The following STAB2 variants were observed in gnomAD, a reference collection of about 807,000 sequenced individuals.
STAB2 encodes stabilin 2.
STAB2 carries 288 observed loss-of-function variants against 338.1 expected under a neutral mutation model. The ratio of observed to expected loss-of-function variants is 0.85; its 90% confidence interval spans 0.77 to 0.94. The LOEUF (loss-of-function observed/expected upper bound fraction) is 0.94. Ranked by LOEUF, STAB2 falls within the 40% of genes least tolerant of loss-of-function variation. The pLI is 0.00. For synonymous variants in STAB2, 1,202 were observed against 1,193.3 expected (o/e 1.01, Z -0.15); for missense variants, 3,141 against 3,210.1 (o/e 0.98, Z 0.52).
At chr12:103,629,368 G>A (rs1297617908) in intron 5 of STAB2, among the ~76,000 whole-genome samples, 1 of 152,222 alleles carries the variant, frequency 6.6e-6, no homozygotes, top group Admixed American at 6.5e-5. Flanking sequence ...GCTGATATAA[G>A]AGCCTACTGC....
At chr12:103,725,239 AAAG>A in intron 45 of STAB2, 145 bp downstream of exon 45, 2 of 1,350,172 alleles carry the variant, frequency 1.5e-6, no homozygotes, top group Non-Finnish European at 2.0e-6. Flanking sequence ...TCAGCAATGA[AAAG>A]AAATTTTGTC....
At chr12:103,719,743 G>T (rs753157335) in intron 44 of STAB2, among the ~76,000 whole-genome samples, 12 of 151,644 alleles carry the variant, frequency 7.9e-5, no homozygotes, top group Non-Finnish European at 1.3e-4. Context: ...TGCATCCACA[G>T]TTGCATCCAG....
At chr12:103,612,493 G>T (rs1287858985) in intron 3 of STAB2, among the ~76,000 whole-genome samples, 1 of 152,202 alleles carries the variant, frequency 6.6e-6, no homozygotes, top group East Asian at 1.9e-4. Flanking sequence ...ACTGAAGCTT[G>T]TGCATGCATC....
intron 9 of STAB2, among the ~76,000 whole-genome samples, chr12:103,642,885 A>T (rs1309266682): frequency 6.6e-6 from 1 of 152,224 alleles, no homozygotes; most frequent in Non-Finnish European, 1.5e-5. Context: ...TGTTCATAGC[A>T]GGTGCAGATA....
At chr12:103,764,342 C>A (rs539467635) in intron 68 of STAB2, among the ~76,000 whole-genome samples, 1 of 152,270 alleles carries the variant, frequency 6.6e-6, no homozygotes, top group South Asian at 2.1e-4. Flanking sequence ...GCTTTTGGAG[C>A]TACTTTTCTT....
intron 30 of STAB2, 112 bp downstream of exon 30, chr12:103,690,650 A>T: frequency 1.2e-6 from 1 of 849,262 alleles, no homozygotes; most frequent in Non-Finnish European, 1.8e-6. Flanking sequence ...AACTACAGAG[A>T]ACAGAATCCC....
intron 6 of STAB2, among the ~76,000 whole-genome samples, chr12:103,634,785 G>A (rs187701956): frequency 2.0e-5 from 3 of 152,326 alleles, no homozygotes; most frequent in Admixed American, 6.5e-5. Flanking sequence ...TCCATCTTGT[G>A]ACTCTGTCAT....
At chr12:103,758,135 G>A in intron 63 of STAB2, 35 bp from the exon 64 acceptor site, 1 of 1,613,326 alleles carries the variant, frequency 6.2e-7, no homozygotes, top group Non-Finnish European at 8.5e-7. Context: ...GCACACCAGG[G>A]CTGGCCCCTC....
intron 19 of STAB2, among the ~76,000 whole-genome samples, chr12:103,668,354 GA>G (rs1441513934): frequency 2.0e-5 from 3 of 152,198 alleles, no homozygotes; most frequent in Non-Finnish European, 4.4e-5. Context: ...AGAATGAACA[GA>G]AAATATTTTC....
In STAB2 at chr12:103,717,796, C is replaced by T. The variant is rs138243582; in HGVS notation, c.4638C>T (p.Tyr1546=). The T allele has an allele frequency of 3.1e-6, 5 of 1,614,020 alleles. No individual in the cohort carries two copies. Among genetic ancestry groups the T allele is most frequent in the Non-Finnish European group, 4.2e-6 (5 of 1,180,006 alleles). The change falls in exon 44 of 69, where the codon TAC becomes TAT. Residue 1546 remains tyrosine, a synonymous_variant. Coordinates refer to ENST00000388887, the MANE Select transcript of STAB2 (RefSeq NM_017564.10). ...CTGCCTGTAACTGTTTGCCAGCATA[C>T]ACTGGAGATGGAAAGGTCTGCACAC... ...NQAACNCLPA[Y]TGDGKVCTLI...
At chr12:103,613,353 C>A (rs1957157361) in intron 3 of STAB2, among the ~76,000 whole-genome samples, 1 of 152,214 alleles carries the variant, frequency 6.6e-6, no homozygotes, top group Admixed American at 6.5e-5. Flanking sequence ...AGCTTCCCGG[C>A]CACTTTGTTT....
Position 103,706,934 on chromosome 12 carries a change from G to T in STAB2, c.4139G>T (p.Gly1380Val). ...TGTGAGTGTGGGGAGGGCTTCAGCG[G>T]CACAGCCTGCGAGACCTGCACCGAG... The part of the protein sequence containing the change: ...GVCECGEGFS[G>V]TACETCTEGK... The change falls in exon 38 of 69, where the codon GGC becomes GTC. Residue 1380 changes from glycine to valine, a missense_variant. Transcript: ENST00000388887. 1.2e-6 allele frequency: 2 copies of T among 1,614,186 alleles called. No homozygotes were observed. The highest frequency in any genetic ancestry group is 1.7e-6 in the Non-Finnish European group (2 of 1,180,032).
At chr12:103,710,724 C>T (rs1879776930) in intron 39 of STAB2, among the ~76,000 whole-genome samples, 1 of 152,156 alleles carries the variant, frequency 6.6e-6, no homozygotes, top group Non-Finnish European at 1.5e-5. Flanking sequence ...GTCTAAATTC[C>T]CTCCGACACA....
chr12:103,726,654 G>A (rs952960949), intron 46 of STAB2, among the ~76,000 whole-genome samples: 1 of 152,180 alleles, frequency 6.6e-6, no homozygotes, highest in African/African-American at 2.4e-5. Context: ...AGAAAAAGGT[G>A]TGACTGGGAC....
At chr12:103,667,595 T>C (rs924803846) in intron 19 of STAB2, among the ~76,000 whole-genome samples, 1 of 152,162 alleles carries the variant, frequency 6.6e-6, no homozygotes, top group Non-Finnish European at 1.5e-5. Context: ...AAAGAAGCCC[T>C]CAAATCACCC....
intron 18 of STAB2, among the ~76,000 whole-genome samples, chr12:103,663,538 G>A (rs1466177572): frequency 6.6e-6 from 1 of 151,918 alleles, no homozygotes; most frequent in African/African-American, 2.4e-5. Context: ...TGTAGAGATG[G>A]GGTTTCACCA....
At chr12:103,756,991 G>A (rs1385778151) in intron 63 of STAB2, among the ~76,000 whole-genome samples, 4 of 29,270 alleles carry the variant, frequency 1.4e-4, no homozygotes, top group Non-Finnish European at 2.2e-4. Flanking sequence ...CCCAGAAGGA[G>A]GGAAAATATA....
chr12:103,740,811 C>A, intron 55 of STAB2, 55 bp downstream of exon 55: 1 of 1,510,260 alleles, frequency 6.6e-7, no homozygotes, highest in South Asian at 1.4e-5. Context: ...TGCTCCTGCT[C>A]GTTGTCCAGT....
At chr12:103,695,466 A>T in intron 31 of STAB2, 84 bp from the exon 32 acceptor site, 1 of 1,241,622 alleles carries the variant, frequency 8.1e-7, no homozygotes, top group Non-Finnish European at 1.2e-6. Context: ...TAAAGAGGTT[A>T]ATGGCATTAG....
Sources: allele counts gnomAD v4.1 joint callset (sites outside exome capture counted in the v4.1 genomes callset), GRCh38; gene constraint gnomAD v4.1.1; transcripts MANE v1.5; gene names NCBI Gene and HGNC (gene_info 2026-07-23, HGNC 2026-07-21).